FBXL13: variants seen among roughly 807,000 people sequenced by gnomAD.
FBXL13 encodes the protein F-box and leucine-rich repeat protein 13.
A neutral mutation model predicts 83.6 loss-of-function variants in FBXL13; 67 were observed. The observed-to-expected ratio is 0.80, with a 90% confidence interval of 0.66 to 0.98. FBXL13 has a LOEUF of 0.98. Ranked by LOEUF, FBXL13 falls within the 50% of genes least tolerant of loss-of-function variation. FBXL13 has a pLI of 0.00. For synonymous variants in FBXL13, 272 were observed against 299.5 expected, an observed-to-expected ratio of 0.91 and a Z score of 0.95; for missense variants, 822 against 866.5, an observed-to-expected ratio of 0.95 and a Z score of 0.64.
intron 6 of FBXL13, among the ~76,000 whole-genome samples, chr7:102,989,640 AGT>A (rs767858557): frequency 1.3e-5 from 2 of 152,246 alleles, no homozygotes; most frequent in African/African-American, 4.8e-5. Context: ...TCAGCTGTGC[AGT>A]GACCGAGGGG....
chr7:103,007,633 A>G (rs1381306781), intron 6 of FBXL13, among the ~76,000 whole-genome samples: 1 of 152,204 alleles, frequency 6.6e-6, no homozygotes, highest in Non-Finnish European at 1.5e-5. Context: ...AAAGAAAAAG[A>G]GCACAAAAAA....
intron 16 of FBXL13, among the ~76,000 whole-genome samples, chr7:102,875,313 G>A (rs184893407): frequency 2.6e-5 from 4 of 152,048 alleles, no homozygotes; most frequent in Admixed American, 2.6e-4. Context: ...AAGGAAAGGA[G>A]CAAATATGAG....
chr7:102,861,470 T>C (rs1024800117), intron 16 of FBXL13, among the ~76,000 whole-genome samples: 12 of 152,198 alleles, frequency 7.9e-5, no homozygotes, highest in Admixed American at 5.2e-4. Context: ...GAGGCACATA[T>C]GTCCAGTTGT....
At chr7:102,913,338 T>A in intron 10 of FBXL13, 123 bp from the exon 12 acceptor site, 2 of 1,196,154 alleles carry the variant, frequency 1.7e-6, no homozygotes, top group Non-Finnish European at 2.3e-6. Context: ...GTTCAACATT[T>A]AACTTTACTG....
chr7:102,986,023 C>A (rs558195948), intron 6 of FBXL13, among the ~76,000 whole-genome samples: 3 of 151,984 alleles, frequency 2.0e-5, no homozygotes, highest in East Asian at 3.9e-4. Context: ...CGATGCCCCC[C>A]CCCCATCAAT....
chr7:103,041,283 T>C (rs976297705), intron 2 of FBXL13, among the ~76,000 whole-genome samples: 11 of 152,138 alleles, frequency 7.2e-5, no homozygotes, highest in Non-Finnish European at 1.2e-4. Context: ...CAGGAAGAAG[T>C]TGAATCTCTG....
At chr7:103,067,686 C>G (rs1173313136) in intron 1 of FBXL13, among the ~76,000 whole-genome samples, 2 of 152,174 alleles carry the variant, frequency 1.3e-5, no homozygotes, top group African/African-American at 2.4e-5. Context: ...GGTAAGGAAG[C>G]CTTCAAGATG....
intron 6 of FBXL13, among the ~76,000 whole-genome samples, chr7:102,971,392 G>A (rs1169234356): frequency 6.6e-6 from 1 of 152,102 alleles, no homozygotes; most frequent in African/African-American, 2.4e-5. Context: ...AAGGTTGGGC[G>A]TTCGAGACCA....
intron 6 of FBXL13, among the ~76,000 whole-genome samples, chr7:103,021,312 C>T (rs888115912): frequency 6.6e-6 from 1 of 152,202 alleles, no homozygotes; most frequent in Non-Finnish European, 1.5e-5. Flanking sequence ...CCCTTCCTTA[C>T]ACCTTATACA....
At chr7:102,903,039 A>G (rs1012812632) in intron 11 of FBXL13, among the ~76,000 whole-genome samples, 4 of 152,054 alleles carry the variant, frequency 2.6e-5, no homozygotes, top group Admixed American at 6.6e-5. Context: ...AACAATATCA[A>G]TTCTTCCAAT....
At position 102,996,204 on chromosome 7, in the gene FBXL13, A is replaced by C. The variant is rs576246417; in HGVS notation, c.496-28087T>G. Among the ~76,000 whole-genome samples the C allele has an allele frequency of 1.1e-3, 163 of 152,344 alleles. 4 individuals are homozygous for C. The highest frequency in any genetic ancestry group is 0.011 in the Admixed American group (161 of 15,300). Reference sequence around the variant, plus strand: ...AAAATATGTAAGTTCATAGTTTGTCATAATGGTTGCTGTTTCCATATACAA... The same window carrying C: ...AAAATATGTAAGTTCATAGTTTGTCCTAATGGTTGCTGTTTCCATATACAA... On this transcript the variant is annotated intron_variant, in intron 6 of 19. Coordinates refer to ENST00000313221, the Ensembl canonical transcript of FBXL13.
rs1263420772 is a variant in FBXL13, at chr7:102,963,320, C to CA, written c.724+212dup. ...TGGGAGACAGAGTGAGACTCCATCT[C>CA]AAAAAAAAAAAAGAATAGACAAAGA... On this transcript the variant is annotated intron_variant, in intron 8 of 19. Transcript: ENST00000313221. Among the ~76,000 whole-genome samples the CA allele has an allele frequency of 5.5e-3, 701 of 126,974 alleles. 4 individuals are homozygous for CA. Among genetic ancestry groups the CA allele is most frequent in the African/African-American group, 0.016 (564 of 34,428 alleles). The allele number at this position is 126,974 out of a possible 152,430, so 83.3% of individuals were successfully genotyped here. A position where few individuals can be genotyped will look rare whatever the true frequency, so the allele number is the denominator to read the frequency against.
intron 1 of FBXL13, among the ~76,000 whole-genome samples, chr7:103,056,514 A>G (rs1797354213): frequency 6.6e-6 from 1 of 151,986 alleles, no homozygotes; most frequent in African/African-American, 2.4e-5. Context: ...GTTGGAGTGC[A>G]ATGGTGCTAT....
intron 1 of FBXL13, among the ~76,000 whole-genome samples, chr7:103,070,244 T>C (rs1798815445): frequency 6.6e-6 from 1 of 152,122 alleles, no homozygotes; most frequent in Non-Finnish European, 1.5e-5. Context: ...TTTATTTATT[T>C]TTTTAGAGAC....
chr7:102,986,433 T>A (rs1205400405), intron 6 of FBXL13, among the ~76,000 whole-genome samples: 3 of 152,152 alleles, frequency 2.0e-5, no homozygotes, highest in Non-Finnish European at 2.9e-5. Context: ...CCATGGCAAC[T>A]GACGATCAAA....
At chr7:102,998,210 C>G (rs950178738) in intron 6 of FBXL13, among the ~76,000 whole-genome samples, 1 of 152,164 alleles carries the variant, frequency 6.6e-6, no homozygotes, top group African/African-American at 2.4e-5. Context: ...AATGTCTATT[C>G]AGATCTTTTG....
chr7:103,041,864 T>A (rs1223041048), intron 2 of FBXL13, among the ~76,000 whole-genome samples: 1 of 152,122 alleles, frequency 6.6e-6, no homozygotes, highest in Non-Finnish European at 1.5e-5. Context: ...ACAGCCAATA[T>A]CCTACTGAAT....
intron 6 of FBXL13, among the ~76,000 whole-genome samples, chr7:103,013,393 C>G (rs1188851916): frequency 3.9e-5 from 6 of 152,142 alleles, no homozygotes; most frequent in African/African-American, 7.2e-5. Flanking sequence ...GGACATAAAA[C>G]AATTCTCAGC....
chr7:102,831,692 A>AT (rs1010751358), intron 18 of FBXL13, among the ~76,000 whole-genome samples: 12 of 151,692 alleles, frequency 7.9e-5, no homozygotes, highest in South Asian at 2.1e-4. Flanking sequence ...TGTAAATCAG[A>AT]TTTTTTTTTC....
Sources: allele counts gnomAD v4.1 joint callset (sites outside exome capture counted in the v4.1 genomes callset), GRCh38; gene constraint gnomAD v4.1.1; transcripts MANE v1.5; gene names NCBI Gene and HGNC (gene_info 2026-07-23, HGNC 2026-07-21).